Variants in ZNF532 observed in about 807,000 individuals in gnomAD.
ZNF532 encodes the protein zinc finger protein 532.
A neutral mutation model predicts 89.3 loss-of-function variants in ZNF532; 22 were observed. The observed-to-expected ratio is 0.25, with a 90% CI of 0.18 to 0.35. ZNF532 has a LOEUF of 0.35. Among genes scored for constraint, ZNF532 ranks in the 10% least tolerant of loss-of-function variants. ZNF532 has a pLI of 1.00. For synonymous variants in ZNF532, 606 were observed against 649.6 expected (o/e 0.93, Z 1.02); for missense variants, 1,132 against 1,643.4 (o/e 0.69, Z 5.38).
rs751233732 is a variant in ZNF532 at position 58,984,343 on chromosome 18, G to C, written c.3783G>C (p.Val1261=). 1.2e-6 allele frequency: 2 copies of C among 1,612,010 alleles called. No homozygotes were observed. Among genetic ancestry groups the C allele is most frequent in the Non-Finnish European group, 1.7e-6 (2 of 1,179,858 alleles). ...SHEDESPDGA[V]SDRKCKVCAK... The stretch of plus-strand genomic sequence containing the variant: ...AGGATGAATCCCCTGATGGCGCCGT[G>C]TCAGACAGAAAGTGCAAAGTGTGCG... Residue 1261 remains valine, a synonymous_variant, in exon 10 of 10, where the codon GTG becomes GTC. Transcript: ENST00000591808.
chr18:58,877,408 T>C (rs930024483), intron 2 of ZNF532, among the ~76,000 whole-genome samples: 1 of 152,216 alleles, frequency 6.6e-6, no homozygotes, highest in African/African-American at 2.4e-5. Context: ...TAAACTCTTA[T>C]GTAAGAGACT....
intron 3 of ZNF532, among the ~76,000 whole-genome samples, chr18:58,921,082 A>C (rs1438928706): frequency 4.0e-5 from 6 of 151,838 alleles, no homozygotes; most frequent in African/African-American, 1.5e-4. Flanking sequence ...GGGCGAGATC[A>C]TATCTCTTTA....
intron 6 of ZNF532, among the ~76,000 whole-genome samples, chr18:58,951,884 C>T (rs2001443): frequency 2.0e-5 from 3 of 151,852 alleles, no homozygotes; most frequent in Admixed American, 6.6e-5. Context: ...CTCCTGACCT[C>T]GTGATCCACC....
chr18:58,893,572 G>A (rs902934955), intron 2 of ZNF532, among the ~76,000 whole-genome samples: 5 of 150,824 alleles, frequency 3.3e-5, no homozygotes, highest in Admixed American at 2.6e-4. Flanking sequence ...GGGGAGGATC[G>A]CTTGAGCCTG....
intron 2 of ZNF532, among the ~76,000 whole-genome samples, chr18:58,917,222 G>C (rs2060662105): frequency 6.6e-6 from 1 of 152,146 alleles, no homozygotes; most frequent in East Asian, 1.9e-4. Flanking sequence ...GAGGGCCCCA[G>C]AGCTAGTGAG....
rs115945802 is a variant in ZNF532, at chr18:58,959,448, G to A, written c.3150+5649G>A. On this transcript the variant is annotated intron_variant, in intron 7 of 9. Coordinates refer to ENST00000591808, the MANE Select transcript of ZNF532 (RefSeq NM_001375912.1). ...CTAATTTTTGTGTTTTTATAGAGAC[G>A]GTGTTTCACTGTGTCACCCAGTTGA... Among the ~76,000 whole-genome samples the A allele has an allele frequency of 4.4e-3, 667 of 151,806 alleles. 6 individuals carry two copies. The highest frequency in any genetic ancestry group is 0.016 in the African/African-American group (647 of 41,352).
At chr18:58,983,825 G>A (rs776264906) in intron 9 of ZNF532, 147 bp from the exon 10 acceptor site, 19 of 918,400 alleles carry the variant, frequency 2.1e-5, no homozygotes, top group African/African-American at 5.0e-5. Flanking sequence ...CCTCCGGGTG[G>A]GGTGGCAGAC....
Position 58,918,767 on chromosome 18 carries a change from G to A in ZNF532, c.480G>A (p.Arg160=). The A allele has an allele frequency of 1.2e-6, 2 of 1,614,176 alleles. No individual in the cohort carries two copies. The highest frequency in any genetic ancestry group is 1.7e-6 in the Non-Finnish European group (2 of 1,180,034). ...AGGAGGACATGCGATCAAGCTTCAGGTCGAATGTGTTGACGGGGTCGGCTC... is the reference window on the plus strand; with the variant it reads ...AGGAGGACATGCGATCAAGCTTCAGATCGAATGTGTTGACGGGGTCGGCTC... ...PDKEDMRSSF[R]SNVLTGSAPQ... Residue 160 remains arginine, a synonymous_variant, in exon 3 of 10, where the codon AGG becomes AGA. Transcript: ENST00000591808.
At chr18:58,902,613 C>T (rs1381711022) in intron 2 of ZNF532, among the ~76,000 whole-genome samples, 1 of 151,988 alleles carries the variant, frequency 6.6e-6, no homozygotes, top group Non-Finnish European at 1.5e-5. Flanking sequence ...CTGCCTCAGC[C>T]TCTCGAGTAG....
chr18:58,914,975 A>G (rs1019550294), intron 2 of ZNF532, among the ~76,000 whole-genome samples: 1 of 152,238 alleles, frequency 6.6e-6, no homozygotes, highest in African/African-American at 2.4e-5. Context: ...TCCTCTTTGT[A>G]TTCAGTATAA....
At chr18:58,942,880 T>A (rs2063321200) in intron 5 of ZNF532, among the ~76,000 whole-genome samples, 2 of 152,248 alleles carry the variant, frequency 1.3e-5, no homozygotes, top group Admixed American at 1.3e-4. Flanking sequence ...TGCATTACTT[T>A]TTTAAATGAT....
At chr18:58,966,754 T>TTTTTTTTTTTTTG (rs2065962698) in intron 7 of ZNF532, among the ~76,000 whole-genome samples, 1 of 138,072 alleles carries the variant, frequency 7.2e-6, no homozygotes, top group Non-Finnish European at 1.5e-5. Flanking sequence ...TTTTTTTTTT[T>TTTTTTTTTTTTTG]TTTTTTCTTT....
At chr18:58,942,357 T>C (rs182787065) in intron 5 of ZNF532, among the ~76,000 whole-genome samples, 9,473 of 46,204 alleles carry the variant, frequency 0.21, 850 homozygotes, top group East Asian at 0.29. Context: ...CTCCCTTCCT[T>C]CCTTCCTTCC....
intron 9 of ZNF532, 77 bp downstream of exon 9, chr18:58,981,694 T>A: frequency 6.4e-7 from 1 of 1,567,630 alleles, no homozygotes. Flanking sequence ...TCCTTTCAAG[T>A]TTTTGTTGCA....
intron 2 of ZNF532, among the ~76,000 whole-genome samples, chr18:58,885,182 T>C (rs550964278): frequency 5.9e-5 from 9 of 152,116 alleles, no homozygotes; most frequent in African/African-American, 2.2e-4. Context: ...AGAGACGGAG[T>C]TTCTGCATGT....
chr18:58,955,229 C>G (rs1252289051), intron 7 of ZNF532, among the ~76,000 whole-genome samples: 2 of 152,098 alleles, frequency 1.3e-5, no homozygotes, highest in Non-Finnish European at 2.9e-5. Flanking sequence ...TGCACTCTAC[C>G]CTGGGCGATA....
intron 2 of ZNF532, among the ~76,000 whole-genome samples, chr18:58,913,076 A>G (rs2060380323): frequency 6.6e-6 from 1 of 152,216 alleles, no homozygotes; most frequent in African/African-American, 2.4e-5. Flanking sequence ...TATGCAGTCG[A>G]GATTGAAGTG....
chr18:58,880,762 A>ATGTGTGTGTGTGTGTGTGTGTGTGTG (rs1407374371), intron 2 of ZNF532, among the ~76,000 whole-genome samples: 1 of 93,416 alleles, frequency 1.1e-5, no homozygotes, highest in African/African-American at 3.2e-5. Context: ...GCGCGCGCGC[A>ATGTGTGTGTGTGTGTGTGTGTGTGTG]CGCGCGCGCG....
chr18:58,900,468 G>A (rs555552702), intron 2 of ZNF532, among the ~76,000 whole-genome samples: 4 of 152,084 alleles, frequency 2.6e-5, no homozygotes, highest in East Asian at 1.9e-4. Flanking sequence ...ATGAAGGGTC[G>A]GGGGCTCCCT....
Sources: gnomAD v4.1 joint callset for allele counts (sites outside exome capture counted in the v4.1 genomes callset) on GRCh38, gnomAD v4.1.1 for gene constraint, MANE v1.5 for transcripts, NCBI Gene and HGNC (gene_info 2026-07-23, HGNC 2026-07-21) for gene names.